CRYM: variants seen among roughly 807,000 people sequenced by gnomAD.
CRYM encodes crystallin mu.
In CRYM, 18 loss-of-function variants were observed where a neutral mutation model predicts 32.9. That is an observed-to-expected ratio of 0.55 (90% CI 0.38 to 0.81). The LOEUF is 0.81. Ranked by LOEUF, CRYM falls within the 30% of genes least tolerant of loss-of-function variation. The pLI is 0.00. For missense variants in CRYM, 337 were observed against 393.5 expected, an observed-to-expected ratio of 0.86 and a Z score of 1.21; for synonymous variants, 153 against 152.4, an observed-to-expected ratio of 1.00 and a Z score of -0.03.
chr16:21,267,038 A>G (rs1221258506), intron 5 of CRYM, among the ~76,000 whole-genome samples: 1 of 152,078 alleles, frequency 6.6e-6, no homozygotes, highest in Non-Finnish European at 1.5e-5. Context: ...ATTTTATAGA[A>G]CATTAAATAT....
At chr16:21,295,148 C>G (rs899612350) in intron 1 of CRYM, among the ~76,000 whole-genome samples, 1 of 152,130 alleles carries the variant, frequency 6.6e-6, no homozygotes, top group African/African-American at 2.4e-5. Flanking sequence ...TGTGTCTTTA[C>G]AGTAGAATGA....
At chr16:21,290,177 A>G (rs1960598276) in intron 1 of CRYM, among the ~76,000 whole-genome samples, 1 of 152,252 alleles carries the variant, frequency 6.6e-6, no homozygotes, top group Non-Finnish European at 1.5e-5. Context: ...ATGCTGTGGG[A>G]ACTTTTTTCT....
chr16:21,264,128 T>G (rs879608330), intron 5 of CRYM, among the ~76,000 whole-genome samples: 1 of 152,260 alleles, frequency 6.6e-6, no homozygotes, highest in Non-Finnish European at 1.5e-5. Context: ...TTTCTCCCTT[T>G]GTTCCCTCCC....
chr16:21,259,859 A>G (rs1428020737), intron 7 of CRYM, among the ~76,000 whole-genome samples: 1 of 152,224 alleles, frequency 6.6e-6, no homozygotes, highest in African/African-American at 2.4e-5. Context: ...ATGCACCAAT[A>G]AACTGATCCC....
intron 4 of CRYM, 137 bp from the exon 5 acceptor site, chr16:21,267,874 T>C: frequency 1.2e-6 from 1 of 821,412 alleles, no homozygotes; most frequent in East Asian, 2.6e-5. Flanking sequence ...CCTAAATCAT[T>C]CCCCATGGAG....
Position 21,258,865 on chromosome 16 carries a change from G to A in CRYM, c.881-20C>T. ...CCATTCCTAGAATAGACAGAAATTT[G>A]GTTCGCCTTTGGTCAAAACAACTTT... is the stretch of plus-strand genomic sequence containing the variant. On this transcript the variant is annotated intron_variant, in intron 7 of 7. Transcript: ENST00000572914. The A allele has an allele frequency of 6.2e-7, 1 of 1,613,352 alleles. No individual in the cohort carries two copies. The highest frequency in any genetic ancestry group is 8.5e-7 in the Non-Finnish European group (1 of 1,179,502).
chr16:21,296,556 C>T (rs1960792015), intron 1 of CRYM, among the ~76,000 whole-genome samples: 1 of 152,188 alleles, frequency 6.6e-6, no homozygotes, highest in South Asian at 2.1e-4. Context: ...TAATCACTAA[C>T]ACCAAGGAAT....
At chr16:21,295,961 G>A (rs1960780222) in intron 1 of CRYM, among the ~76,000 whole-genome samples, 1 of 151,810 alleles carries the variant, frequency 6.6e-6, no homozygotes, top group African/African-American at 2.4e-5. Context: ...TTATTTTGTT[G>A]CACCCCATCT....
At chr16:21,282,927 A>G (rs933028551), upstream of CRYM, among the ~76,000 whole-genome samples, 2 of 152,102 alleles carry the variant, frequency 1.3e-5, no homozygotes, top group Admixed American at 6.5e-5. Context: ...TTATTTTATT[A>G]TTATTAAAAT....
chr16:21,260,177 A>G (rs1216354463), intron 7 of CRYM, among the ~76,000 whole-genome samples: 1 of 152,166 alleles, frequency 6.6e-6, no homozygotes, highest in African/African-American at 2.4e-5. Context: ...TTGCTGCTTG[A>G]TCACGAAGTA....
At chr16:21,276,320 C>G (rs960568914) in intron 2 of CRYM, among the ~76,000 whole-genome samples, 15 of 152,102 alleles carry the variant, frequency 9.9e-5, no homozygotes, top group African/African-American at 3.4e-4. Context: ...GTTCTACCCC[C>G]CTAGGGAACC....
chr16:21,269,678 T>C, intron 4 of CRYM, 112 bp downstream of exon 4: 1 of 749,226 alleles, frequency 1.3e-6, no homozygotes, highest in South Asian at 1.6e-5. Flanking sequence ...ATGGTCTAGA[T>C]GGGGCTCACA....
chr16:21,285,169 G>C (rs2093405438), intron 1 of CRYM, among the ~76,000 whole-genome samples: 1 of 152,052 alleles, frequency 6.6e-6, no homozygotes, highest in Non-Finnish European at 1.5e-5. Flanking sequence ...TTGTATATTA[G>C]ACCCTTGTCA....
intron 1 of CRYM, among the ~76,000 whole-genome samples, chr16:21,289,603 C>T (rs1373553352): frequency 6.6e-6 from 1 of 152,072 alleles, no homozygotes; most frequent in Non-Finnish European, 1.5e-5. Context: ...ATACTTCTAC[C>T]ATTTTGTCAT....
intron 6 of CRYM, 24 bp from the exon 7 acceptor site, chr16:21,261,362 C>T (rs367782289): frequency 3.7e-6 from 6 of 1,603,590 alleles, no homozygotes; most frequent in Non-Finnish European, 5.1e-6. Context: ...ATACGCTGAC[C>T]CAGGCATGAA....
chr16:21,262,070 G>A lies in CRYM; in HGVS notation c.762C>T (p.Ala254=), dbSNP rs576361852. The A allele has an allele frequency of 4.6e-5, 75 of 1,614,032 alleles. No homozygotes were observed. The East Asian group carries it at 1.4e-3, about 31-fold the overall frequency. Residue 254 remains alanine, a synonymous_variant, in exon 6 of 8, where the codon GCC becomes GCT. Coordinates refer to ENST00000572914, the MANE Select transcript of CRYM (RefSeq NM_001376256.1). ...AVLYVDSQEA[A]LKESGDVLLS... is the part of the protein sequence containing the mutation. Reference sequence around the variant, plus strand: ...GCAGGACATCTCCAGACTCCTTCAGGGCAGCCTCCTGGGAATCCACGTACA... The same window carrying A: ...GCAGGACATCTCCAGACTCCTTCAGAGCAGCCTCCTGGGAATCCACGTACA...
At chr16:21,298,122 A>G (rs1960825694) in intron 1 of CRYM, among the ~76,000 whole-genome samples, 1 of 152,156 alleles carries the variant, frequency 6.6e-6, no homozygotes, top group African/African-American at 2.4e-5. Context: ...TATTTGCCCA[A>G]TCAGAGAACT....
intron 7 of CRYM, among the ~76,000 whole-genome samples, chr16:21,260,589 C>A (rs990721847): frequency 1.3e-5 from 2 of 152,156 alleles, no homozygotes; most frequent in African/African-American, 4.8e-5. Flanking sequence ...CGTGAGCCAC[C>A]GAGCTCAGCC....
chr16:21,289,932 C>T (rs982477221), intron 1 of CRYM, among the ~76,000 whole-genome samples: 1 of 151,884 alleles, frequency 6.6e-6, no homozygotes, highest in Non-Finnish European at 1.5e-5. Flanking sequence ...AATCAGCACT[C>T]TGTAAAATTG....
Sources: allele counts gnomAD v4.1 joint callset (sites outside exome capture counted in the v4.1 genomes callset), GRCh38; gene constraint gnomAD v4.1.1; transcripts MANE v1.5; gene names NCBI Gene and HGNC (gene_info 2026-07-23, HGNC 2026-07-21).